The following ACAD11 variants were observed in gnomAD, a reference collection of about 807,000 sequenced individuals.
ACAD11 encodes the protein acyl-Coenzyme A dehydrogenase family, member 11.
Under a neutral mutation model 102.2 loss-of-function variants are expected in ACAD11, and 83 were observed. The observed-to-expected ratio is 0.81, with a 90% CI of 0.68 to 0.97. The LOEUF is 0.97. Ranked by LOEUF, ACAD11 falls within the 50% of genes least tolerant of loss-of-function variation. The pLI, the probability that ACAD11 is intolerant of heterozygous loss-of-function variation, is 0.00. For synonymous variants in ACAD11, 324 were observed against 319.8 expected (o/e 1.01, Z -0.14); for missense variants, 901 against 951.7 (o/e 0.95, Z 0.70).
chr3:132,623,780 G>T (rs1484525399), intron 9 of ACAD11, among the ~76,000 whole-genome samples: 1 of 152,114 alleles, frequency 6.6e-6, no homozygotes. Flanking sequence ...CCTCTTCTGT[G>T]CTGCAGTTTC....
rs745981205 is a variant in ACAD11 at position 132,626,725 on chromosome 3, T to C, written c.1163A>G (p.His388Arg). Residue 388 changes from histidine to arginine, a missense_variant, in exon 9 of 20, where the codon CAT becomes CGT. By Grantham distance (29) the His-to-Arg change is conservative (BLOSUM62 0). Transcript: ENST00000264990. ...KGQEVLIKVK[H>R]FMKQHILPAE... is the part of the protein sequence containing the mutation. Reference sequence around the variant, plus strand: ...TGGAAGAATGTGTTGTTTCATGAAATGCTTCACCTTAATAAGAACTTCCTG... The same window carrying C: ...TGGAAGAATGTGTTGTTTCATGAAACGCTTCACCTTAATAAGAACTTCCTG... 2.7e-5 allele frequency: 44 copies of C among 1,613,804 alleles called. No homozygotes were observed. Among genetic ancestry groups the C allele is most frequent in the Non-Finnish European group, 3.6e-5 (42 of 1,179,936 alleles).
chr3:132,579,713 C>G (rs1385315577), intron 13 of ACAD11, among the ~76,000 whole-genome samples, 155 bp from the exon 14 acceptor site: 1 of 152,104 alleles, frequency 6.6e-6, no homozygotes. Context: ...TTGTAACACT[C>G]TATATCATCC....
intron 13 of ACAD11, among the ~76,000 whole-genome samples, chr3:132,593,800 A>G (rs190272434): frequency 2.0e-5 from 3 of 152,198 alleles, no homozygotes; most frequent in African/African-American, 4.8e-5. Context: ...GGACATTGCT[A>G]TGTTAGGGAG....
chr3:132,624,739 T>A (rs1283906596), intron 9 of ACAD11, among the ~76,000 whole-genome samples: 1 of 151,610 alleles, frequency 6.6e-6, no homozygotes, highest in Non-Finnish European at 1.5e-5. Flanking sequence ...CAGGCTGGAG[T>A]GCAGTGGCGC....
chr3:132,638,706 G>A lies in ACAD11; in HGVS notation c.702+786C>T, dbSNP rs373096289. Among the ~76,000 whole-genome samples the A allele has an allele frequency of 7.9e-4, 120 of 152,276 alleles. 1 individual carries two copies. The highest frequency in any genetic ancestry group is 1.4e-3 in the Non-Finnish European group (96 of 68,012). ...ACAGATCAAATACAGGCCAGATCCT[G>A]CTATGTTTTCAGGCATATGCTTTTA... On this transcript the variant is annotated intron_variant, in intron 5 of 19. Transcript: ENST00000264990.
chr3:132,651,594 A>C lies in ACAD11; in HGVS notation c.150-6698T>G, dbSNP rs549040253. The stretch of plus-strand genomic sequence containing the variant: ...CTCCTGCTAGTGCCTCAATTCCAAC[A>C]ATCCTTCAATCAATACTTGACCTAC... On this transcript the variant is annotated intron_variant, in intron 1 of 19. Coordinates refer to ENST00000264990, the MANE Select transcript of ACAD11 (RefSeq NM_032169.5). Among the ~76,000 whole-genome samples the C allele has an allele frequency of 5.8e-4, 88 of 152,276 alleles. 1 individual carries two copies. The highest frequency in any genetic ancestry group is 2.4e-3 in the Admixed American group (36 of 15,298).
intron 13 of ACAD11, among the ~76,000 whole-genome samples, 199 bp from the exon 14 acceptor site, chr3:132,579,757 C>G (rs1414714858): frequency 6.6e-6 from 1 of 151,998 alleles, no homozygotes; most frequent in Non-Finnish European, 1.5e-5. Flanking sequence ...AAGAATGGAC[C>G]CCATCAATGA....
At chr3:132,602,513 T>C (rs1246119959) in intron 13 of ACAD11, among the ~76,000 whole-genome samples, 1 of 152,204 alleles carries the variant, frequency 6.6e-6, no homozygotes, top group African/African-American at 2.4e-5. Flanking sequence ...TAAAAATATG[T>C]ACCACAATAA....
intron 13 of ACAD11, among the ~76,000 whole-genome samples, chr3:132,587,707 TCA>T (rs144276769): frequency 0.034 from 5,144 of 152,272 alleles, 139 homozygotes; most frequent in South Asian, 0.073. Flanking sequence ...CTGGATTCTG[TCA>T]TATTCCTCCA....
chr3:132,580,504 G>A (rs542263614), intron 13 of ACAD11, among the ~76,000 whole-genome samples: 2 of 151,990 alleles, frequency 1.3e-5, no homozygotes, highest in African/African-American at 2.4e-5. Flanking sequence ...CCTAAAAGGC[G>A]TATCAACCAA....
chr3:132,608,068 A>C (rs949632703), intron 11 of ACAD11, among the ~76,000 whole-genome samples: 3 of 152,138 alleles, frequency 2.0e-5, no homozygotes, highest in Non-Finnish European at 4.4e-5. Flanking sequence ...AGACAAACAA[A>C]TGCTGGGAGA....
At chr3:132,569,122 G>A (rs960995953) in intron 17 of ACAD11, among the ~76,000 whole-genome samples, 2 of 151,902 alleles carry the variant, frequency 1.3e-5, no homozygotes, top group African/African-American at 4.8e-5. Flanking sequence ...ATAGTATCTA[G>A]AATATATAAA....
At chr3:132,634,620 G>A (rs963337468) in intron 5 of ACAD11, among the ~76,000 whole-genome samples, 26 of 151,988 alleles carry the variant, frequency 1.7e-4, no homozygotes, top group Admixed American at 1.4e-3. Context: ...TGTTTATTGC[G>A]GCACTACTCA....
intron 4 of ACAD11, among the ~76,000 whole-genome samples, chr3:132,641,404 C>A (rs1467722215): frequency 6.6e-6 from 1 of 151,816 alleles, no homozygotes; most frequent in African/African-American, 2.4e-5. Context: ...ATTAGCAGGG[C>A]GTGATGGCGG....
intron 13 of ACAD11, among the ~76,000 whole-genome samples, chr3:132,597,961 C>T (rs1278910107): frequency 6.6e-6 from 1 of 152,016 alleles, no homozygotes; most frequent in Non-Finnish European, 1.5e-5. Context: ...AAAGTTGGCA[C>T]CCGGTTTTTA....
intron 13 of ACAD11, chr3:132,602,271 T>C (rs1938642089): frequency 6.0e-6 from 1 of 167,044 alleles, no homozygotes; most frequent in Non-Finnish European, 1.5e-5. Context: ...CATAATTTGC[T>C]TCTATGATGT....
chr3:132,595,613 C>A (rs994243146), intron 13 of ACAD11, among the ~76,000 whole-genome samples: 1 of 151,916 alleles, frequency 6.6e-6, no homozygotes, highest in Non-Finnish European at 1.5e-5. Context: ...TTAAAAACAA[C>A]CCTATTAAAA....
In ACAD11 at chr3:132,639,511, A is replaced by G. The variant is rs1215354566; in HGVS notation, c.683T>C (p.Ile228Thr). 2.5e-6 allele frequency: 4 copies of G among 1,613,480 alleles called. No homozygotes were observed. Among genetic ancestry groups the G allele is most frequent in the African/African-American group, 1.3e-5 (1 of 74,880 alleles). Reference protein sequence around the residue: ...LIHGDFRLDNIVFHPKECRVI... With the variant: ...LIHGDFRLDNTVFHPKECRVI... ...CTGTACCTCTTTAGGGTGGAAAACT[A>G]TGTTATCTAGTCTGAAATCTCCATG... is the stretch of plus-strand genomic sequence containing the variant. The change falls in exon 5 of 20, where the codon ATA becomes ACA. Residue 228 changes from isoleucine (I) to threonine (T), a missense_variant. Physicochemically the swap from Ile to Thr is moderately conservative, Grantham distance 89. Coordinates refer to ENST00000264990, the MANE Select transcript of ACAD11 (RefSeq NM_032169.5).
intron 11 of ACAD11, among the ~76,000 whole-genome samples, chr3:132,606,351 A>G (rs1047545065): frequency 4.6e-5 from 7 of 152,220 alleles, no homozygotes; most frequent in Non-Finnish European, 7.3e-5. Flanking sequence ...ATAAGTCCTG[A>G]GTTATAATTC....
Sources: allele counts gnomAD v4.1 joint callset (sites outside exome capture counted in the v4.1 genomes callset), GRCh38; gene constraint gnomAD v4.1.1; transcripts MANE v1.5; gene names NCBI Gene and HGNC (gene_info 2026-07-23, HGNC 2026-07-21).